Variants in MAOB observed in about 807,000 individuals in gnomAD.
MAOB encodes the protein monoamine oxidase B.
Under a neutral mutation model 41.9 loss-of-function variants are expected in MAOB, and 15 were observed. The ratio of observed to expected loss-of-function variants is 0.36; its 90% CI spans 0.24 to 0.55. The LOEUF (loss-of-function observed/expected upper bound fraction) is 0.55. Ranked by LOEUF, MAOB falls within the 20% of genes least tolerant of loss-of-function variation. The pLI is 0.86. For missense variants in MAOB, 345 were observed against 398.7 expected (o/e 0.87, Z 1.15); for synonymous variants, 167 against 144.2 (o/e 1.16, Z -1.13).
chrX:43,871,869 C>T (rs369673409), intron 1 of MAOB, among the ~76,000 whole-genome samples: 197 of 110,140 alleles, frequency 1.8e-3, no homozygotes, highest in African/African-American at 6.0e-3. Flanking sequence ...CTGAAACAGT[C>T]GACTATATCT....
At chrX:43,831,939 A>G (rs1021247135) in intron 3 of MAOB, among the ~76,000 whole-genome samples, 3 of 111,907 alleles carry the variant, frequency 2.7e-5, no homozygotes, top group Non-Finnish European at 5.6e-5. Flanking sequence ...TTTTTACCAT[A>G]TAAACATTTT....
chrX:43,829,670 C>T (rs1389066040), intron 3 of MAOB, among the ~76,000 whole-genome samples: 1 of 112,112 alleles, frequency 8.9e-6, no homozygotes, highest in East Asian at 2.8e-4. Context: ...AGGAACTTCA[C>T]TCATTGTTTA....
At chrX:43,776,835 C>T (rs1203840710) in intron 11 of MAOB, among the ~76,000 whole-genome samples, 1 of 98,733 alleles carries the variant, frequency 1.0e-5, no homozygotes, top group Non-Finnish European at 2.0e-5. Flanking sequence ...TGTTCAATTC[C>T]CACCTATGAG....
In MAOB at chrX:43,797,227, A is replaced by G. The variant is rs1167254549; in HGVS notation, c.516T>C (p.Cys172=). ...KQLATLFVNL[C]VTAETHEVSA... ...AGACCTCATGGGTCTCTGCAGTGAC[A>G]CACAGGTTCACAAAGAGAGTGGCAA... Residue 172 remains cysteine (C), a synonymous_variant, in exon 6 of 15, where the codon TGT becomes TGC. Coordinates refer to ENST00000378069, the MANE Select transcript of MAOB (RefSeq NM_000898.5). The G allele has an allele frequency of 1.7e-6, 2 of 1,201,542 alleles. No homozygotes were observed. Among genetic ancestry groups the G allele is most frequent in the South Asian group, 1.8e-5 (1 of 54,429 alleles).
chrX:43,842,724 A>G (rs902317257), intron 2 of MAOB, among the ~76,000 whole-genome samples: 14 of 112,243 alleles, frequency 1.2e-4, no homozygotes, highest in Non-Finnish European at 2.6e-4. Context: ...TATACACACA[A>G]TGAAATACTA....
At position 43,767,196 on chromosome X, in the gene MAOB, A is replaced by T. The variant is rs746228550; in HGVS notation, c.*270T>A. On this transcript the variant is annotated 3_prime_UTR_variant, in exon 15 of 15. Coordinates refer to ENST00000378069, the MANE Select transcript of MAOB (RefSeq NM_000898.5). ...TGTGTTGTGGGGCAGCAAGAACCTT[A>T]AACAAGCCAATTTAACTATTCTAAA... 66 of 309,565 alleles carry T rather than the reference A, an allele frequency of 2.1e-4. No individual in the cohort carries two copies. Among genetic ancestry groups the T allele is most frequent in the African/African-American group, 1.6e-3 (61 of 37,515 alleles). 25.5% of individuals were successfully genotyped at this position (309,565 alleles called of 1,213,427 possible).
At chrX:43,841,947 C>T (rs773983941) in intron 2 of MAOB, among the ~76,000 whole-genome samples, 3 of 111,459 alleles carry the variant, frequency 2.7e-5, no homozygotes, top group South Asian at 3.8e-4. Flanking sequence ...GACTTAAACA[C>T]GAGACCTGAA....
intron 3 of MAOB, among the ~76,000 whole-genome samples, chrX:43,818,321 C>T (rs940181333): frequency 1.8e-5 from 2 of 112,089 alleles, no homozygotes; most frequent in Admixed American, 9.5e-5. Context: ...AATAATGTTG[C>T]TTTTTGAATA....
intron 1 of MAOB, among the ~76,000 whole-genome samples, chrX:43,877,307 G>A (rs1270837502): frequency 9.0e-6 from 1 of 110,808 alleles, no homozygotes; most frequent in Non-Finnish European, 1.9e-5. Flanking sequence ...TCAATGCCAA[G>A]CCAAGCCTTA....
chrX:43,823,637 A>G (rs1216658119), intron 3 of MAOB, among the ~76,000 whole-genome samples: 1 of 111,926 alleles, frequency 8.9e-6, no homozygotes, highest in African/African-American at 3.3e-5. Context: ...TTTCTTTCAT[A>G]GCTAGGAGAG....
chrX:43,791,094 C>T (rs1363474935), intron 8 of MAOB, among the ~76,000 whole-genome samples: 1 of 111,895 alleles, frequency 8.9e-6, no homozygotes, highest in Admixed American at 9.5e-5. Flanking sequence ...TGACAGGGCT[C>T]TTTGTGGTGG....
intron 7 of MAOB, among the ~76,000 whole-genome samples, chrX:43,795,458 G>C (rs1395093534): frequency 9.0e-6 from 1 of 110,803 alleles, no homozygotes; most frequent in African/African-American, 3.3e-5. Flanking sequence ...TCCTTATGTA[G>C]GCACAATTGA....
intron 2 of MAOB, among the ~76,000 whole-genome samples, chrX:43,839,338 A>G (rs1291517237): frequency 3.6e-5 from 4 of 111,974 alleles, no homozygotes; most frequent in South Asian, 3.7e-4. Context: ...ACTTCAGGTG[A>G]ATGTTGAGGA....
In MAOB at chrX:43,827,712, C is replaced by A. The variant is rs374382400; in HGVS notation, c.279+11156G>T. Among the ~76,000 whole-genome samples, 105 of 111,574 alleles carry A rather than the reference C, an allele frequency of 9.4e-4. 2 individuals carry two copies. The highest frequency in any genetic ancestry group is 3.2e-3 in the African/African-American group (97 of 30,712). On this transcript the variant is annotated intron_variant, in intron 3 of 14. Transcript: ENST00000378069. ...CACCCATCTTTAATCTGCTTCGAAGCACAATAGCCCAGGGGCAGGAATAAA... is the reference window on the plus strand; with the variant it reads ...CACCCATCTTTAATCTGCTTCGAAGAACAATAGCCCAGGGGCAGGAATAAA...
At chrX:43,859,374 C>T (rs1168382612) in intron 1 of MAOB, among the ~76,000 whole-genome samples, 1 of 111,787 alleles carries the variant, frequency 8.9e-6, no homozygotes, top group Non-Finnish European at 1.9e-5. Flanking sequence ...TGACAGATGC[C>T]TTCCTACAAT....
intron 1 of MAOB, among the ~76,000 whole-genome samples, chrX:43,846,241 A>G (rs927430912): frequency 1.2e-4 from 13 of 112,546 alleles, no homozygotes; most frequent in South Asian, 3.7e-4. Flanking sequence ...AAGAGTTCAG[A>G]AGGAAATACA....
chrX:43,842,589 T>C (rs1167816497), intron 2 of MAOB, among the ~76,000 whole-genome samples: 3 of 112,075 alleles, frequency 2.7e-5, no homozygotes, highest in Non-Finnish European at 1.9e-5. Flanking sequence ...TCCAAAAGAA[T>C]TGAAGTCAAT....
At chrX:43,849,021 A>G (rs757048197) in intron 1 of MAOB, among the ~76,000 whole-genome samples, 2 of 112,247 alleles carry the variant, frequency 1.8e-5, no homozygotes, top group East Asian at 5.6e-4. Flanking sequence ...GTAAGGAGAT[A>G]AATATCACCA....
intron 1 of MAOB, among the ~76,000 whole-genome samples, chrX:43,861,301 G>C (rs974822191): frequency 8.9e-6 from 1 of 112,694 alleles, no homozygotes; most frequent in African/African-American, 3.2e-5. Context: ...AAGAACTAAC[G>C]CTAGTGCGGC....
Sources: gnomAD v4.1 joint callset for allele counts (sites outside exome capture counted in the v4.1 genomes callset) on GRCh38, gnomAD v4.1.1 for gene constraint, MANE v1.5 for transcripts, NCBI Gene and HGNC (gene_info 2026-07-23, HGNC 2026-07-21) for gene names.